The following CLNK variants were observed in gnomAD, a reference collection of about 807,000 sequenced individuals.
CLNK encodes cytokine dependent hematopoietic cell linker.
CLNK carries 74 observed loss-of-function variants against 68.6 expected under a neutral mutation model. The ratio of observed to expected loss-of-function variants is 1.08; its 90% CI spans 0.89 to 1.31. The LOEUF is 1.31. Ranked by LOEUF, CLNK falls within the 50% of genes most tolerant of loss-of-function variation. The probability of loss-of-function intolerance (pLI) is 0.00; values close to 1 mark genes in which losing one functional copy is unlikely to be tolerated. For missense variants in CLNK, 553 were observed against 515.3 expected (o/e 1.07, Z -0.71); for synonymous variants, 198 against 172.2 (o/e 1.15, Z -1.17).
chr4:10,734,703 C>A, the CLNK span, among the ~76,000 whole-genome samples: 1 of 152,250 alleles, frequency 6.6e-6, no homozygotes, highest in African/African-American at 2.4e-5. Context: ...CCTTTCTGGC[C>A]CCCTTGTAAG....
chr4:10,723,128 C>G, the CLNK span, among the ~76,000 whole-genome samples: 1 of 152,000 alleles, frequency 6.6e-6, no homozygotes, highest in Non-Finnish European at 1.5e-5. Context: ...AGTGAGGTTA[C>G]AAAGTTCTTT....
At chr4:10,535,240 AAAGAAAGAAAGAAAGAAAGAAAG>A (rs1303005615) in intron 11 of CLNK, among the ~76,000 whole-genome samples, 6 of 151,632 alleles carry the variant, frequency 4.0e-5, no homozygotes, top group African/African-American at 1.5e-4. Context: ...AGAAAGAAAG[AAAGAAAGAAAGAAAGAAAGAAAG>A]AAAAAATGGA....
chr4:10,529,462 G>T (rs1292802292), intron 12 of CLNK, among the ~76,000 whole-genome samples: 1 of 152,176 alleles, frequency 6.6e-6, no homozygotes, highest in Non-Finnish European at 1.5e-5. Context: ...GAAACTTTTG[G>T]CAACAAATTG....
At chr4:10,554,925 C>T (rs2108816480) in intron 8 of CLNK, among the ~76,000 whole-genome samples, 1 of 152,288 alleles carries the variant, frequency 6.6e-6, no homozygotes, top group South Asian at 2.1e-4. Context: ...CACTAGCAAA[C>T]ACAGAAAACC....
At chr4:10,598,691 T>A in intron 2 of CLNK, 1 of 446,324 alleles carries the variant, frequency 2.2e-6, no homozygotes, top group African/African-American at 2.0e-5. Context: ...TTAAATACAT[T>A]CACTGTCATA....
chr4:10,602,806 T>C (rs1203292368), intron 2 of CLNK, among the ~76,000 whole-genome samples: 1 of 152,192 alleles, frequency 6.6e-6, no homozygotes, highest in African/African-American at 2.4e-5. Flanking sequence ...ATAAAAAATG[T>C]ACACATGGTC....
At chr4:10,523,361 C>G (rs1389063705) in intron 14 of CLNK, among the ~76,000 whole-genome samples, 1 of 152,094 alleles carries the variant, frequency 6.6e-6, no homozygotes, top group Non-Finnish European at 1.5e-5. Context: ...AGGTCTGGAG[C>G]TGAGAGAGGT....
intron 18 of CLNK, among the ~76,000 whole-genome samples, chr4:10,499,347 A>T (rs1297863337): frequency 6.6e-6 from 1 of 152,088 alleles, no homozygotes; most frequent in Non-Finnish European, 1.5e-5. Flanking sequence ...CAGAACTAAA[A>T]TTGCTTTGCT....
chr4:10,517,116 T>G (rs1717870422), intron 15 of CLNK, among the ~76,000 whole-genome samples: 2 of 152,156 alleles, frequency 1.3e-5, no homozygotes, highest in African/African-American at 4.8e-5. Context: ...GCATTCTAAG[T>G]TTTTTGTATT....
At chr4:10,689,041 G>C (rs148401047), upstream of CLNK, among the ~76,000 whole-genome samples, 11 of 151,598 alleles carry the variant, frequency 7.3e-5, no homozygotes, top group African/African-American at 2.2e-4. Context: ...TTGAGGCAAC[G>C]TGCTGGGGGA....
chr4:10,583,124 G>A (rs975065101), intron 4 of CLNK, among the ~76,000 whole-genome samples: 1 of 152,154 alleles, frequency 6.6e-6, no homozygotes, highest in South Asian at 2.1e-4. Flanking sequence ...TCAAGCCACC[G>A]TCACGCACAG....
At chr4:10,618,507 G>T (rs1292303981) in intron 2 of CLNK, among the ~76,000 whole-genome samples, 2 of 152,164 alleles carry the variant, frequency 1.3e-5, no homozygotes, top group Non-Finnish European at 2.9e-5. Flanking sequence ...TTTAAAATGG[G>T]TGAATTATAT....
chr4:10,515,123 A>G (rs1390489349), intron 15 of CLNK, among the ~76,000 whole-genome samples: 1 of 152,132 alleles, frequency 6.6e-6, no homozygotes, highest in Admixed American at 6.5e-5. Flanking sequence ...CTGTAATCCC[A>G]GCTACTAGGG....
At chr4:10,703,332 C>T in the CLNK span, among the ~76,000 whole-genome samples, 1 of 152,080 alleles carries the variant, frequency 6.6e-6, no homozygotes, top group African/African-American at 2.4e-5. Flanking sequence ...TTGTTGAGTA[C>T]ATAATATGTG....
At chr4:10,688,756 C>T (rs1725357317), upstream of CLNK, among the ~76,000 whole-genome samples, 1 of 152,018 alleles carries the variant, frequency 6.6e-6, no homozygotes. Flanking sequence ...GAAATCTATT[C>T]AAAGAGAAGA....
intron 2 of CLNK, among the ~76,000 whole-genome samples, chr4:10,607,998 C>A (rs149095298): frequency 1.4e-3 from 220 of 152,246 alleles, no homozygotes; most frequent in Middle Eastern, 3.4e-3. Flanking sequence ...AATAAGAGTG[C>A]TGAATCATTA....
At chr4:10,725,090 G>A in the CLNK span, among the ~76,000 whole-genome samples, 1 of 152,046 alleles carries the variant, frequency 6.6e-6, no homozygotes, top group Non-Finnish European at 1.5e-5. Flanking sequence ...TTGCGAAGGA[G>A]AGGGCCCAGG....
At chr4:10,493,703 AC>A (rs57802416) in intron 18 of CLNK, among the ~76,000 whole-genome samples, 21,484 of 152,128 alleles carry the variant, frequency 0.14, 2,484 homozygotes, top group African/African-American at 0.31. Flanking sequence ...AAGGTAAGGT[AC>A]TTTCCCCATT....
intron 6 of CLNK, among the ~76,000 whole-genome samples, chr4:10,565,667 T>C (rs1458629203): frequency 6.6e-6 from 1 of 152,200 alleles, no homozygotes; most frequent in African/African-American, 2.4e-5. Flanking sequence ...CACCCTCCGT[T>C]ATGCTCATCA....
Sources: gnomAD v4.1 joint callset for allele counts (sites outside exome capture counted in the v4.1 genomes callset) on GRCh38, gnomAD v4.1.1 for gene constraint, MANE v1.5 for transcripts, NCBI Gene and HGNC (gene_info 2026-07-23, HGNC 2026-07-21) for gene names.